Variants in ABCA13 observed in about 807,000 individuals in gnomAD.
The protein encoded by ABCA13 is ATP binding cassette subfamily A member 13, also known as ATP-binding cassette sub-family A member 13.
Under a neutral mutation model 478.7 loss-of-function variants are expected in ABCA13, and 476 were observed. The ratio of observed to expected loss-of-function variants is 0.99; its 90% CI spans 0.92 to 1.07. ABCA13 has a LOEUF of 1.07. ABCA13 is among the 50% of genes least tolerant of loss of function. The pLI is 0.00. For missense variants in ABCA13, 6,060 were observed against 5,910.6 expected (o/e 1.03, Z -0.83); for synonymous variants, 2,252 against 2,158.9 (o/e 1.04, Z -1.20).
At chr7:48,179,033 C>A (rs1795286248) in intron 1 of ABCA13, among the ~76,000 whole-genome samples, 1 of 149,982 alleles carries the variant, frequency 6.7e-6, no homozygotes, top group Non-Finnish European at 1.5e-5. Context: ...AAAACAAAGA[C>A]TTACTTTCCC....
intron 13 of ABCA13, among the ~76,000 whole-genome samples, chr7:48,247,944 G>A (rs1464642339): frequency 6.6e-6 from 1 of 152,156 alleles, no homozygotes; most frequent in Non-Finnish European, 1.5e-5. Flanking sequence ...GACTCTCAGG[G>A]GGTCTGGTTC....
At chr7:48,536,553 TG>T (rs1184042430) in intron 55 of ABCA13, among the ~76,000 whole-genome samples, 1 of 151,550 alleles carries the variant, frequency 6.6e-6, no homozygotes. Flanking sequence ...GAGGCTGAAG[TG>T]GGAGAATCAC....
chr7:48,240,972 T>C lies in ABCA13; in HGVS notation c.1168T>C (p.Trp390Arg). The change falls in exon 10 of 62, where the codon TGG (tryptophan) becomes CGG (arginine). Residue 390 changes from tryptophan (W) to arginine (R), a missense_variant. By Grantham distance (101) the Trp-to-Arg change is moderately radical (BLOSUM62 -3). Coordinates refer to ENST00000435803, the MANE Select transcript of ABCA13 (RefSeq NM_152701.5). ...TCAGTTTGAAGAAGAGAGCAAGCCC[T>C]GGAAGGTGGTGGAAGCTCTGCACAC... ...RNQFEEESKPWKVVEALHTAL... is the reference protein window; with the variant it reads ...RNQFEEESKPRKVVEALHTAL... 1 of 1,613,918 alleles carries C rather than the reference T, an allele frequency of 6.2e-7. No homozygotes were observed. Among genetic ancestry groups the C allele is most frequent in the Non-Finnish European group, 8.5e-7 (1 of 1,179,788 alleles).
intron 46 of ABCA13, 83 bp downstream of exon 46, chr7:48,481,237 A>C: frequency 8.4e-7 from 1 of 1,184,692 alleles, no homozygotes; most frequent in South Asian, 1.4e-5. Flanking sequence ...TGTTCTTAAA[A>C]AGTCAAAAAT....
chr7:48,426,400 T>G (rs1248263714), intron 41 of ABCA13, among the ~76,000 whole-genome samples: 1 of 152,192 alleles, frequency 6.6e-6, no homozygotes, highest in Non-Finnish European at 1.5e-5. Flanking sequence ...CATCTTTCCC[T>G]GTGGTTAGGG....
intron 1 of ABCA13, among the ~76,000 whole-genome samples, chr7:48,185,939 C>T (rs1796295285): frequency 6.6e-6 from 1 of 151,580 alleles, no homozygotes; most frequent in Non-Finnish European, 1.5e-5. Flanking sequence ...TGTATTAATC[C>T]TCTCAATCAT....
intron 2 of ABCA13, among the ~76,000 whole-genome samples, chr7:48,194,165 GATGATGATGATGCT>G (rs1797587851): frequency 0.7 from 14 of 20 alleles, 7 homozygotes; most frequent in Non-Finnish European, 1. Context: ...TGATGATGAT[GATGATGATGATGCT>G]GATAGTGATA....
intron 57 of ABCA13, among the ~76,000 whole-genome samples, chr7:48,593,919 C>A (rs1790020759): frequency 6.6e-6 from 1 of 152,002 alleles, no homozygotes; most frequent in South Asian, 2.1e-4. Flanking sequence ...CTGAAAAATC[C>A]ACTGATAGCC....
chr7:48,406,441 C>T (rs570229531), intron 39 of ABCA13, among the ~76,000 whole-genome samples: 135 of 152,250 alleles, frequency 8.9e-4, no homozygotes, highest in African/African-American at 2.7e-3. Context: ...ACCATGTGTG[C>T]GCTCAATCAA....
rs777634396 is a variant in ABCA13, at chr7:48,275,049, A to G, written c.5383A>G (p.Ile1795Val). The G allele has an allele frequency of 1.9e-6, 3 of 1,613,600 alleles. No individual in the cohort carries two copies. The highest frequency in any genetic ancestry group is 2.5e-6 in the Non-Finnish European group (3 of 1,179,748). Residue 1795 changes from isoleucine (I) to valine (V), a missense_variant, in exon 17 of 62, where the codon ATA becomes GTA. Coordinates refer to ENST00000435803, the MANE Select transcript of ABCA13 (RefSeq NM_152701.5). ...CACCAAGGAAGACTTCGCAATTGTG[A>G]TAAAAATTCTTTTGGATACAATTGA... is the stretch of plus-strand genomic sequence containing the variant. ...NITKEDFAIV[I>V]KILLDTIELV...
chr7:48,231,080 G>C (rs541512704), intron 7 of ABCA13, among the ~76,000 whole-genome samples: 1 of 151,852 alleles, frequency 6.6e-6, no homozygotes, highest in East Asian at 1.9e-4. Flanking sequence ...CTAGATGATG[G>C]GTTGATAGGT....
intron 43 of ABCA13, among the ~76,000 whole-genome samples, chr7:48,463,995 G>A (rs1009229017): frequency 1.3e-5 from 2 of 152,122 alleles, no homozygotes; most frequent in African/African-American, 2.4e-5. Context: ...AGGCCCATTA[G>A]GAGTGTGTAT....
At chr7:48,412,650 A>G (rs1819430817) in intron 41 of ABCA13, 67 bp downstream of exon 41, 2 of 1,233,724 alleles carry the variant, frequency 1.6e-6, no homozygotes, top group Non-Finnish European at 1.1e-6. Context: ...TTAAATGAAG[A>G]GATGTGGGTA....
chr7:48,277,546 T>C (rs1477522840), intron 17 of ABCA13, among the ~76,000 whole-genome samples: 1 of 152,182 alleles, frequency 6.6e-6, no homozygotes, highest in Non-Finnish European at 1.5e-5. Flanking sequence ...TGTACTTATA[T>C]TACAAAATGG....
At chr7:48,391,362 A>G (rs966417570) in intron 37 of ABCA13, among the ~76,000 whole-genome samples, 9 of 152,228 alleles carry the variant, frequency 5.9e-5, no homozygotes, top group Non-Finnish European at 1.2e-4. Context: ...CAATGGTTCA[A>G]CTTAATGATA....
chr7:48,394,000 A>G (rs1816462006), intron 38 of ABCA13, among the ~76,000 whole-genome samples: 1 of 152,004 alleles, frequency 6.6e-6, no homozygotes, highest in Non-Finnish European at 1.5e-5. Context: ...CTTGTCCCCA[A>G]ACCCAACCCC....
At chr7:48,627,141 A>G (rs1793740028) in intron 59 of ABCA13, 2 of 755,928 alleles carry the variant, frequency 2.6e-6, no homozygotes, top group Middle Eastern at 6.7e-4. Context: ...CGTAATGGCT[A>G]TTATTGTACC....
chr7:48,452,605 T>C (rs1231927074), intron 42 of ABCA13, among the ~76,000 whole-genome samples: 1 of 152,220 alleles, frequency 6.6e-6, no homozygotes, highest in Non-Finnish European at 1.5e-5. Context: ...TTCCCTGCTG[T>C]ACACAAATAT....
rs1792335668 is a variant in ABCA13, at chr7:48,614,377, A to G, written c.14745-908A>G. On this transcript the variant is annotated intron_variant, in intron 58 of 61. Coordinates refer to ENST00000435803, the MANE Select transcript of ABCA13 (RefSeq NM_152701.5). Reference sequence around the variant, plus strand: ...TTAGAATGGCAATCATTAAAAAGTCAGGAAACAACAGGTGCTGGAGAGGAT... The same window carrying G: ...TTAGAATGGCAATCATTAAAAAGTCGGGAAACAACAGGTGCTGGAGAGGAT... Among the ~76,000 whole-genome samples, 3 of 151,428 alleles carry G rather than the reference A, an allele frequency of 2.0e-5. No homozygotes were observed. In the South Asian group the frequency reaches 6.3e-4, roughly 32 times the overall value.
Sources: allele counts gnomAD v4.1 joint callset (sites outside exome capture counted in the v4.1 genomes callset), GRCh38; gene constraint gnomAD v4.1.1; transcripts MANE v1.5; gene names NCBI Gene and HGNC (gene_info 2026-07-23, HGNC 2026-07-21).